Variants in FHIT observed in about 807,000 individuals in gnomAD.
The protein encoded by FHIT is bis(5'-adenosyl)-triphosphatase.
In FHIT, 19 loss-of-function variants were observed where a neutral mutation model predicts 17.9. The observed-to-expected ratio is 1.06, with a 90% CI of 0.74 to 1.56. The LOEUF is 1.56. Ranked by LOEUF, FHIT falls within the 40% of genes most tolerant of loss-of-function variation. The probability of loss-of-function intolerance (pLI) is 0.00; values close to 1 mark genes in which losing one functional copy is unlikely to be tolerated. For synonymous variants in FHIT, 81 were observed against 69.7 expected, an observed-to-expected ratio of 1.16 and a Z score of -0.81; for missense variants, 248 against 189.2, an observed-to-expected ratio of 1.31 and a Z score of -1.82.
At chr3:59,924,552 T>C (rs6795784) in intron 7 of FHIT, among the ~76,000 whole-genome samples, 5,085 of 152,316 alleles carry the variant, frequency 0.033, 265 homozygotes, top group African/African-American at 0.12. Context: ...GTGCTGAGCA[T>C]TCAGCTTTGC....
intron 2 of FHIT, among the ~76,000 whole-genome samples, chr3:61,100,350 G>A (rs986107350): frequency 3.3e-5 from 5 of 152,060 alleles, no homozygotes; most frequent in Non-Finnish European, 5.9e-5. Context: ...TGAGAATGAC[G>A]GTTTCCAGCT....
At chr3:60,100,772 A>G (rs1478382413) in intron 5 of FHIT, among the ~76,000 whole-genome samples, 1 of 152,190 alleles carries the variant, frequency 6.6e-6, no homozygotes, top group Non-Finnish European at 1.5e-5. Context: ...TAAACAGTAG[A>G]GTCATGCTGG....
At chr3:60,864,885 A>G (rs1323895861) in intron 3 of FHIT, among the ~76,000 whole-genome samples, 1 of 152,156 alleles carries the variant, frequency 6.6e-6, no homozygotes, top group African/African-American at 2.4e-5. Context: ...AGATTCGATT[A>G]ACTCTATGGA....
intron 5 of FHIT, among the ~76,000 whole-genome samples, chr3:60,226,364 C>T (rs540224120): frequency 4.7e-5 from 7 of 149,486 alleles, no homozygotes; most frequent in South Asian, 4.3e-4. Context: ...CCCAGCTATT[C>T]GGGAGGCTGA....
intron 5 of FHIT, among the ~76,000 whole-genome samples, chr3:60,070,606 C>G (rs774979784): frequency 1.3e-5 from 2 of 152,196 alleles, no homozygotes; most frequent in African/African-American, 2.4e-5. Context: ...TTGTCACATT[C>G]TTTAGGTGCT....
At chr3:60,904,688 T>A (rs1161645466) in intron 3 of FHIT, among the ~76,000 whole-genome samples, 1 of 152,112 alleles carries the variant, frequency 6.6e-6, no homozygotes, top group Non-Finnish European at 1.5e-5. Flanking sequence ...CGCCTGTACT[T>A]CCTAGCACTT....
intron 2 of FHIT, among the ~76,000 whole-genome samples, chr3:61,152,684 G>A (rs1451635249): frequency 6.6e-6 from 1 of 152,130 alleles, no homozygotes; most frequent in Non-Finnish European, 1.5e-5. Flanking sequence ...TCAGGTCTTT[G>A]TCTTAAAAGC....
intron 5 of FHIT, among the ~76,000 whole-genome samples, chr3:60,469,730 G>A (rs903661364): frequency 2.0e-5 from 3 of 152,114 alleles, no homozygotes; most frequent in Non-Finnish European, 2.9e-5. Flanking sequence ...TCTGGGTTTT[G>A]AAGAGTTAGG....
At chr3:60,273,924 TTAAA>T (rs1209862021) in intron 5 of FHIT, among the ~76,000 whole-genome samples, 2 of 152,160 alleles carry the variant, frequency 1.3e-5, no homozygotes, top group African/African-American at 2.4e-5. Context: ...TTTGTGTAGA[TTAAA>T]TATTAAAATG....
intron 4 of FHIT, among the ~76,000 whole-genome samples, chr3:60,641,399 A>C (rs1367144130): frequency 1.3e-5 from 2 of 152,146 alleles, no homozygotes; most frequent in Non-Finnish European, 2.9e-5. Flanking sequence ...TGTGCCTATG[A>C]CCTATATTCT....
intron 5 of FHIT, among the ~76,000 whole-genome samples, chr3:60,082,144 G>A (rs911180042): frequency 6.6e-6 from 1 of 151,658 alleles, no homozygotes; most frequent in Non-Finnish European, 1.5e-5. Flanking sequence ...CTAGTCCCCA[G>A]TGTTTATGGC....
intron 4 of FHIT, among the ~76,000 whole-genome samples, chr3:60,744,270 A>AAAAAAAAAAAAAAC (rs2042308385): frequency 1.8e-4 from 4 of 22,518 alleles, no homozygotes; most frequent in African/African-American, 5.9e-4. Flanking sequence ...AAACAAAACA[A>AAAAAAAAAAAAAAC]AAAAAAAAAA....
At chr3:60,221,657 G>A (rs761460141) in intron 5 of FHIT, among the ~76,000 whole-genome samples, 3 of 151,908 alleles carry the variant, frequency 2.0e-5, no homozygotes, top group Admixed American at 6.6e-5. Flanking sequence ...GAAACACGGC[G>A]CACACCTGTA....
intron 3 of FHIT, among the ~76,000 whole-genome samples, chr3:60,970,711 C>A (rs889303439): frequency 6.6e-6 from 1 of 152,106 alleles, no homozygotes; most frequent in Non-Finnish European, 1.5e-5. Context: ...AAGGATTTCA[C>A]ATTATTTTAA....
intron 4 of FHIT, among the ~76,000 whole-genome samples, chr3:60,772,780 T>C (rs926474277): frequency 1.3e-5 from 2 of 152,130 alleles, no homozygotes; most frequent in South Asian, 2.1e-4. Flanking sequence ...CTATTGTAGA[T>C]TGGCCTTTTG....
chr3:60,084,000 T>C (rs1471023896), intron 5 of FHIT, among the ~76,000 whole-genome samples: 5 of 151,994 alleles, frequency 3.3e-5, no homozygotes, highest in African/African-American at 1.2e-4. Flanking sequence ...CGTTTATGTA[T>C]TGACAAGAAA....
rs147300237 is a variant in FHIT, at chr3:60,327,152, C to T, written c.103+209708G>A. On this transcript the variant is annotated intron_variant, in intron 5 of 9. Coordinates refer to ENST00000492590, the MANE Select transcript of FHIT (RefSeq NM_002012.4). ...CCCTAGAGCTTACCCCTCTATAACACAGTCTATGTTTCATATTCCATCTTC... is the reference window on the plus strand; with the variant it reads ...CCCTAGAGCTTACCCCTCTATAACATAGTCTATGTTTCATATTCCATCTTC... Among the ~76,000 whole-genome samples, 13 of 152,294 alleles carry T rather than the reference C, an allele frequency of 8.5e-5. No homozygotes were observed. In the East Asian group the frequency reaches 2.3e-3, roughly 27 times the overall value.
intron 5 of FHIT, among the ~76,000 whole-genome samples, chr3:60,287,760 G>A (rs1329965367): frequency 6.6e-6 from 1 of 152,032 alleles, no homozygotes. Flanking sequence ...AGGATTCAGG[G>A]TTCTCTGATT....
At chr3:60,029,332 A>C (rs1221223579) in intron 5 of FHIT, among the ~76,000 whole-genome samples, 3 of 152,160 alleles carry the variant, frequency 2.0e-5, no homozygotes, top group Non-Finnish European at 4.4e-5. Flanking sequence ...TGTACTTCCA[A>C]TGTGTTAAAA....
Sources: allele counts gnomAD v4.1 joint callset (sites outside exome capture counted in the v4.1 genomes callset), GRCh38; gene constraint gnomAD v4.1.1; transcripts MANE v1.5; gene names NCBI Gene and HGNC (gene_info 2026-07-23, HGNC 2026-07-21).